Variants in MALRD1 observed in about 807,000 individuals in gnomAD.
The protein encoded by MALRD1 is MAM and LDL-receptor class A domain-containing protein 1.
Under a neutral mutation model 242.1 loss-of-function variants are expected in MALRD1, and 247 were observed. That is an observed-to-expected ratio of 1.02 (90% confidence interval 0.92 to 1.13). The LOEUF (loss-of-function observed/expected upper bound fraction) is 1.13. Among genes scored for constraint, MALRD1 ranks in the 50% most tolerant of loss-of-function variants. MALRD1 has a pLI of 0.00. For missense variants in MALRD1, 2,989 were observed against 2,533.1 expected, an observed-to-expected ratio of 1.18 and a Z score of -3.86; for synonymous variants, 995 against 866.6, an observed-to-expected ratio of 1.15 and a Z score of -2.60.
chr10:19,255,925 A>G (rs1343821898), intron 18 of MALRD1, among the ~76,000 whole-genome samples: 1 of 152,074 alleles, frequency 6.6e-6, no homozygotes, highest in Non-Finnish European at 1.5e-5. Context: ...ATTTTCATAA[A>G]TAGCCAATTC....
chr10:19,271,973 G>T (rs1479228019), intron 19 of MALRD1, among the ~76,000 whole-genome samples: 1 of 152,066 alleles, frequency 6.6e-6, no homozygotes, highest in Non-Finnish European at 1.5e-5. Context: ...TCAGGAAATT[G>T]ACATTTCATT....
In MALRD1 at chr10:19,163,137, TAAAAAAAAAAAAAAAAA is replaced by T. The variant is rs58034381; in HGVS notation, c.1657-2488_1657-2472del. The stretch of plus-strand genomic sequence containing the variant: ...TGAACAACTGGAGTGAAACCCTGTC[TAAAAAAAAAAAAAAAAA>T]AAAAAAAAAAAGACATCATTCTATC... On this transcript the variant is annotated intron_variant, in intron 12 of 39. Coordinates refer to ENST00000454679, the MANE Select transcript of MALRD1 (RefSeq NM_001142308.3). 2.3e-4 allele frequency among the ~76,000 whole-genome samples: 10 copies of T among 43,854 alleles called. 1 individual carries two copies. The highest frequency in any genetic ancestry group is 7.4e-4 in the African/African-American group (9 of 12,116). 28.8% of individuals were successfully genotyped at this position (43,854 alleles called of 152,430 possible).
Position 19,203,709 on chromosome 10 carries a change from C to G in MALRD1, c.1952-19C>G. 6.6e-7 allele frequency: 1 copy of G among 1,509,780 alleles called. No homozygotes were observed. Among genetic ancestry groups the G allele is most frequent in the South Asian group, 1.3e-5 (1 of 78,418 alleles). The allele number at this position is 1,509,780 out of a possible 1,614,324, so 93.5% of individuals were successfully genotyped here. A position where few individuals can be genotyped will look rare whatever the true frequency, so the allele number is the denominator to read the frequency against. On this transcript the variant is annotated intron_variant, in intron 14 of 39. Transcript: ENST00000454679. ...GCAGTTTGGAGAGCCAACATAAGAG[C>G]CACATTTTTGTTCTTCAGTTTCCAA...
intron 29 of MALRD1, among the ~76,000 whole-genome samples, chr10:19,465,170 C>T (rs1836156597): frequency 6.6e-6 from 1 of 152,102 alleles, no homozygotes; most frequent in Admixed American, 6.5e-5. Flanking sequence ...GACAGTTTGA[C>T]TTCCTCCTTA....
At chr10:19,328,615 C>CCAACT (rs1174777560) in intron 23 of MALRD1, among the ~76,000 whole-genome samples, 1 of 152,082 alleles carries the variant, frequency 6.6e-6, no homozygotes, top group Non-Finnish European at 1.5e-5. Flanking sequence ...CTCTCAACTC[C>CCAACT]AGTGGGAGTA....
intron 5 of MALRD1, among the ~76,000 whole-genome samples, chr10:19,114,491 G>A (rs781238511): frequency 6.6e-6 from 1 of 152,076 alleles, no homozygotes; most frequent in African/African-American, 2.4e-5. Context: ...ACAAAAATTA[G>A]CTGGGCATGA....
At chr10:19,523,746 TTAAAAA>T (rs1437942582) in intron 31 of MALRD1, among the ~76,000 whole-genome samples, 1 of 152,112 alleles carries the variant, frequency 6.6e-6, no homozygotes, top group African/African-American at 2.4e-5. Context: ...ATTAGGTTCT[TTAAAAA>T]TAAGATGACT....
At position 19,250,157 on chromosome 10, in the gene MALRD1, C is replaced by T. The variant is rs562864321; in HGVS notation, c.2992-7527C>T. 2.0e-5 allele frequency among the ~76,000 whole-genome samples: 3 copies of T among 152,014 alleles called. No individual in the cohort carries two copies. The South Asian group carries it at 6.2e-4, about 32-fold the overall frequency. ...TTCCTAAATAAGAATTTAATTTTGG[C>T]ATGTGTGAGCCTATTGATCGGACAG... On this transcript the variant is annotated intron_variant, in intron 18 of 39. Coordinates refer to ENST00000454679, the MANE Select transcript of MALRD1 (RefSeq NM_001142308.3).
At chr10:19,556,321 G>A (rs892343951) in intron 32 of MALRD1, among the ~76,000 whole-genome samples, 1 of 152,024 alleles carries the variant, frequency 6.6e-6, no homozygotes. Flanking sequence ...TTACACTAGG[G>A]CTTACTCTGG....
Position 19,671,104 on chromosome 10 carries a change from T to A in MALRD1, c.6138-21178T>A, listed in dbSNP as rs189966838. On this transcript the variant is annotated intron_variant, in intron 36 of 39. Coordinates refer to ENST00000454679, the MANE Select transcript of MALRD1 (RefSeq NM_001142308.3). ...CAGGGTTTCACCATGTTAGCCAGGA[T>A]AAGACAATGATTTTCTAAAAGATAT... 2.0e-3 allele frequency among the ~76,000 whole-genome samples: 308 copies of A among 152,224 alleles called. 2 individuals are homozygous for A. Among genetic ancestry groups the A allele is most frequent in the African/African-American group, 6.1e-3 (252 of 41,536 alleles).
At chr10:19,599,520 CT>C (rs1414798754) in intron 34 of MALRD1, among the ~76,000 whole-genome samples, 3 of 152,150 alleles carry the variant, frequency 2.0e-5, no homozygotes, top group Non-Finnish European at 4.4e-5. Context: ...TAGAAACACT[CT>C]TTTCACTGAT....
intron 19 of MALRD1, among the ~76,000 whole-genome samples, chr10:19,273,015 A>G (rs1417024974): frequency 1.3e-5 from 2 of 152,192 alleles, no homozygotes; most frequent in Non-Finnish European, 2.9e-5. Flanking sequence ...TCTTTATAGT[A>G]GAATAATTTA....
intron 28 of MALRD1, among the ~76,000 whole-genome samples, chr10:19,442,124 G>T (rs916167815): frequency 6.6e-6 from 1 of 151,998 alleles, no homozygotes; most frequent in African/African-American, 2.4e-5. Flanking sequence ...TCATGATTTG[G>T]CTCTCTGTTA....
intron 36 of MALRD1, among the ~76,000 whole-genome samples, chr10:19,628,460 A>C (rs1839770291): frequency 6.6e-6 from 1 of 152,178 alleles, no homozygotes; most frequent in African/African-American, 2.4e-5. Context: ...GAAGATATAA[A>C]TCCTGACATA....
At chr10:19,373,035 T>C (rs1056292566) in intron 26 of MALRD1, among the ~76,000 whole-genome samples, 13 of 152,008 alleles carry the variant, frequency 8.6e-5, no homozygotes, top group African/African-American at 3.1e-4. Flanking sequence ...GCCATGCTTA[T>C]TCTCAAGTGA....
chr10:19,560,439 C>T (rs1014035613), intron 32 of MALRD1, among the ~76,000 whole-genome samples: 2 of 151,952 alleles, frequency 1.3e-5, no homozygotes, highest in Admixed American at 1.3e-4. Flanking sequence ...CTGCACTCTC[C>T]AGCCTGGCGA....
chr10:19,082,483 T>G lies in MALRD1; in HGVS notation c.341-5357T>G, dbSNP rs1275852866. 3.9e-5 allele frequency among the ~76,000 whole-genome samples: 6 copies of G among 152,068 alleles called. No homozygotes were observed. The East Asian group carries it at 1.2e-3, about 29-fold the overall frequency. On this transcript the variant is annotated intron_variant, in intron 2 of 39. Coordinates refer to ENST00000454679, the MANE Select transcript of MALRD1 (RefSeq NM_001142308.3). ...TTTTATGACACATTATTCTTATGAT[T>G]TCTGTAGTTCTTTATATATGGTTTT...
At chr10:19,287,295 A>G (rs1034360402) in intron 21 of MALRD1, among the ~76,000 whole-genome samples, 7 of 152,062 alleles carry the variant, frequency 4.6e-5, no homozygotes, top group South Asian at 2.1e-4. Flanking sequence ...AAAAGAATAT[A>G]TAGTCGTTTC....
intron 32 of MALRD1, among the ~76,000 whole-genome samples, chr10:19,557,439 T>C (rs3904894): frequency 0.87 from 132,511 of 152,084 alleles, 57,758 homozygotes; most frequent in African/African-American, 0.89. Flanking sequence ...ATTCAATGAA[T>C]AATTTTGAGT....
Sources: gnomAD v4.1 joint callset for allele counts (sites outside exome capture counted in the v4.1 genomes callset) on GRCh38, gnomAD v4.1.1 for gene constraint, MANE v1.5 for transcripts, NCBI Gene and HGNC (gene_info 2026-07-23, HGNC 2026-07-21) for gene names.